Variants in IGF2BP1 observed in about 807,000 individuals in gnomAD.
The protein encoded by IGF2BP1 is insulin-like growth factor 2 mRNA-binding protein 1.
Under a neutral mutation model 74.9 loss-of-function variants are expected in IGF2BP1, and 11 were observed. That is an observed-to-expected ratio of 0.15 (90% CI 0.09 to 0.24). The LOEUF (loss-of-function observed/expected upper bound fraction) is 0.24, where lower values mean the gene tolerates loss of function less well. Among genes scored for constraint, IGF2BP1 ranks in the 10% least tolerant of loss-of-function variants. IGF2BP1 has a pLI of 1.00. For synonymous variants in IGF2BP1, 287 were observed against 281.8 expected (o/e 1.02, Z -0.18); for missense variants, 440 against 757.4 (o/e 0.58, Z 4.92).
At chr17:49,010,972 A>G (rs908295611) in intron 2 of IGF2BP1, among the ~76,000 whole-genome samples, 6 of 151,644 alleles carry the variant, frequency 4.0e-5, no homozygotes, top group South Asian at 4.2e-4. Flanking sequence ...CCCCGTCTCT[A>G]CTAAAAATAC....
In IGF2BP1 at chr17:49,009,670, T is replaced by C. The variant is rs905800421; in HGVS notation, c.236+10501T>C. The stretch of plus-strand genomic sequence containing the variant: ...GTTGCAGTGAGCTGAGATCGTCCCA[T>C]TGCACTCCAGCCTGGGCAACAAGAG... On this transcript the variant is annotated intron_variant, in intron 2 of 14. Transcript: ENST00000290341. 5.3e-5 allele frequency among the ~76,000 whole-genome samples: 8 copies of C among 150,668 alleles called. No homozygotes were observed. The South Asian group carries it at 1.5e-3, about 28-fold the overall frequency.
intron 4 of IGF2BP1, 126 bp downstream of exon 4, chr17:49,026,643 T>A: frequency 1.8e-6 from 1 of 553,500 alleles, no homozygotes; most frequent in Non-Finnish European, 3.1e-6. Flanking sequence ...CTGCCTTCCT[T>A]CCTGCCTGCC....
At chr17:49,045,821 C>T in intron 12 of IGF2BP1, 69 bp from the exon 13 acceptor site, 1 of 1,541,376 alleles carries the variant, frequency 6.5e-7, no homozygotes. Flanking sequence ...CTGGAGCTTC[C>T]TTTTTCCCAC....
chr17:49,039,957 G>A lies in IGF2BP1; in HGVS notation c.684G>A (p.Lys228=), dbSNP rs1162933820. 6.2e-7 allele frequency: 1 copy of A among 1,612,430 alleles called. No individual in the cohort carries two copies. Among genetic ancestry groups the A allele is most frequent in the Admixed American group, 1.7e-5 (1 of 60,014 alleles). Residue 228 remains lysine (K), a splice_region_variant and synonymous_variant, in exon 7 of 15, where the codon AAG becomes AAA. Transcript: ENST00000290341. ...CCAGCCTTGTCCTTGTGGCCCCCAGGATAGACGTGCATAGGAAGGAGAACG... is the reference window on the plus strand; with the variant it reads ...CCAGCCTTGTCCTTGTGGCCCCCAGAATAGACGTGCATAGGAAGGAGAACG... ...IRNITKQTQS[K]IDVHRKENAG... is the part of the protein sequence containing the mutation.
intron 2 of IGF2BP1, among the ~76,000 whole-genome samples, chr17:49,019,588 C>A (rs537270862): frequency 2.6e-5 from 4 of 151,548 alleles, no homozygotes; most frequent in African/African-American, 9.8e-5. Flanking sequence ...AGTCTGTTGT[C>A]ATTTTCCCCT....
In IGF2BP1 at chr17:49,053,902, G is replaced by A. The variant is rs1402555452; in HGVS notation, c.*4458G>A. The A allele has an allele frequency of 6.6e-6, 1 of 152,654 alleles. No individual in the cohort carries two copies. The highest frequency in any genetic ancestry group is 1.9e-4 in the East Asian group (1 of 5,198). 9.5% of individuals were successfully genotyped at this position (152,654 alleles called of 1,614,324 possible). A position where few individuals can be genotyped will look rare whatever the true frequency, so the allele number is the denominator to read the frequency against. On this transcript the variant is annotated 3_prime_UTR_variant, in exon 15 of 15. Coordinates refer to ENST00000290341, the MANE Select transcript of IGF2BP1 (RefSeq NM_006546.4). ...CCACTCGACTGTTTGCCTGTTTCTT[G>A]AAAACCAGTAGAAGGGAAACAGCAC...
At chr17:49,043,358 A>G (rs536388867) in intron 9 of IGF2BP1, 70 bp from the exon 10 acceptor site, 17 of 1,581,872 alleles carry the variant, frequency 1.1e-5, no homozygotes, top group Middle Eastern at 2.2e-4. Context: ...CTCGCCTTTT[A>G]TACAGCGGGG....
intron 4 of IGF2BP1, among the ~76,000 whole-genome samples, chr17:49,031,345 T>A (rs544959789): frequency 3.8e-4 from 57 of 151,882 alleles, no homozygotes; most frequent in Non-Finnish European, 7.1e-4. Flanking sequence ...TCAAATGATC[T>A]GCCTGCCTCT....
intron 2 of IGF2BP1, among the ~76,000 whole-genome samples, chr17:49,019,940 ATATATATATT>A (rs1489044756): frequency 2.8e-3 from 142 of 49,864 alleles, no homozygotes; most frequent in African/African-American, 4.6e-3. Context: ...ATATATATAT[ATATATATATT>A]TATATACACA....
chr17:49,031,294 A>G (rs1202505993), intron 4 of IGF2BP1, among the ~76,000 whole-genome samples: 1 of 151,508 alleles, frequency 6.6e-6, no homozygotes, highest in Admixed American at 6.6e-5. Flanking sequence ...TTTTTGTTAG[A>G]GATAGGGTTT....
chr17:49,047,517 G>GTT (rs147164353), intron 14 of IGF2BP1, among the ~76,000 whole-genome samples: 6 of 147,300 alleles, frequency 4.1e-5, no homozygotes, highest in African/African-American at 1.5e-4. Context: ...TTAATTCAGC[G>GTT]TTTTTTTTTT....
intron 5 of IGF2BP1, among the ~76,000 whole-genome samples, chr17:49,034,756 C>A (rs201992274): frequency 3.3e-4 from 45 of 136,140 alleles, no homozygotes; most frequent in Middle Eastern, 3.7e-3. Context: ...ACAAAAAAAA[C>A]AAAAAAAACA....
chr17:49,009,923 T>C (rs1010072206), intron 2 of IGF2BP1, among the ~76,000 whole-genome samples: 3 of 151,906 alleles, frequency 2.0e-5, no homozygotes, highest in Admixed American at 6.6e-5. Flanking sequence ...CTACTAAAAA[T>C]ACAAAAATTA....
Position 49,031,446 on chromosome 17 carries a change from G to T in IGF2BP1, c.338-464G>T, listed in dbSNP as rs185837468. Among the ~76,000 whole-genome samples, 391 of 151,756 alleles carry T rather than the reference G, an allele frequency of 2.6e-3. 2 individuals are homozygous for T. The highest frequency in any genetic ancestry group is 8.8e-3 in the African/African-American group (365 of 41,398). On this transcript the variant is annotated intron_variant, in intron 4 of 14. Transcript: ENST00000290341. Reference sequence around the variant, plus strand: ...TAGTAGCTTCCTTGAAAGGGGAAAAGTTTTTTGCCTTTTTATTCAAGTTGG... The same window carrying T: ...TAGTAGCTTCCTTGAAAGGGGAAAATTTTTTTGCCTTTTTATTCAAGTTGG...
intron 4 of IGF2BP1, among the ~76,000 whole-genome samples, chr17:49,030,624 T>C (rs1349083343): frequency 1.4e-5 from 2 of 144,624 alleles, no homozygotes; most frequent in Admixed American, 6.9e-5. Flanking sequence ...CTAGTTGAAC[T>C]TTTTTTTTTT....
At position 49,050,510 on chromosome 17, in the gene IGF2BP1, G is replaced by T. The variant is rs1404262439; in HGVS notation, c.*1066G>T. On this transcript the variant is annotated 3_prime_UTR_variant, in exon 15 of 15. Transcript: ENST00000290341. The stretch of plus-strand genomic sequence containing the variant: ...TAAGGGCTGGTTCCTAGAGGCAGGG[G>T]TTGTGGGGCACTCCCAGCCACGGCA... The T allele has an allele frequency of 6.6e-6, 1 of 152,174 alleles. No homozygotes were observed. The highest frequency in any genetic ancestry group is 1.5e-5 in the Non-Finnish European group (1 of 68,034). 9.4% of individuals were successfully genotyped at this position (152,174 alleles called of 1,614,324 possible). A position where few individuals can be genotyped will look rare whatever the true frequency, so the allele number is the denominator to read the frequency against.
chr17:49,018,130 A>G (rs939142782), intron 2 of IGF2BP1: 2 of 152,252 alleles, frequency 1.3e-5, no homozygotes, highest in Non-Finnish European at 2.9e-5. Flanking sequence ...TAAGAGCCTC[A>G]GTAGAGCAGC....
chr17:49,035,901 C>T (rs1009885806), intron 5 of IGF2BP1, among the ~76,000 whole-genome samples: 1 of 152,178 alleles, frequency 6.6e-6, no homozygotes, highest in Admixed American at 6.5e-5. Context: ...ACCCCGGGGG[C>T]CGGACCTCCT....
In IGF2BP1 at chr17:49,030,648, C is replaced by T. The variant is rs370636578; in HGVS notation, c.338-1262C>T. Among the ~76,000 whole-genome samples the T allele has an allele frequency of 2.9e-4, 44 of 150,094 alleles. 2 individuals carry two copies. Among genetic ancestry groups the T allele is most frequent in the African/African-American group, 1.0e-3 (41 of 40,682 alleles). On this transcript the variant is annotated intron_variant, in intron 4 of 14. Coordinates refer to ENST00000290341, the MANE Select transcript of IGF2BP1 (RefSeq NM_006546.4). ...CTTTTTTTTTTTTTCTTTTTTGAGA[C>T]AGAGTCTCGCTCTGTCGCCCAGGCT... is the stretch of plus-strand genomic sequence containing the variant.
Sources: gnomAD v4.1 joint callset for allele counts (sites outside exome capture counted in the v4.1 genomes callset) on GRCh38, gnomAD v4.1.1 for gene constraint, MANE v1.5 for transcripts, NCBI Gene and HGNC (gene_info 2026-07-23, HGNC 2026-07-21) for gene names.